Variants in CEACAM3 observed in about 807,000 individuals in gnomAD.
CEACAM3 encodes CEA cell adhesion molecule 3, also known as cell adhesion molecule CEACAM3.
In CEACAM3, 32 loss-of-function variants were observed where a neutral mutation model predicts 30.1. The ratio of observed to expected loss-of-function variants is 1.06; its 90% CI spans 0.80 to 1.43. The LOEUF is 1.43. Ranked by LOEUF, CEACAM3 falls within the 40% of genes most tolerant of loss-of-function variation. CEACAM3 has a pLI of 0.00. For missense variants in CEACAM3, 290 were observed against 316.3 expected (o/e 0.92, Z 0.63); for synonymous variants, 134 against 127.2 (o/e 1.05, Z -0.36).
chr19:41,799,652 T>C (rs2073130550), intron 2 of CEACAM3, among the ~76,000 whole-genome samples: 1 of 152,126 alleles, frequency 6.6e-6, no homozygotes, highest in Non-Finnish European at 1.5e-5. Flanking sequence ...CTGTGTTTCC[T>C]GATGTGTCAG....
In CEACAM3 at chr19:41,796,710, A is replaced by C; in HGVS notation, c.33A>C (p.Glu11Asp). 6.2e-7 allele frequency: 1 copy of C among 1,613,904 alleles called. No homozygotes were observed. The highest frequency in any genetic ancestry group is 8.5e-7 in the Non-Finnish European group (1 of 1,179,882). The change falls in exon 1 of 7, where the codon GAA becomes GAC. Residue 11 changes from glutamate (E) to aspartate (D), a missense_variant. By Grantham distance (45) the Glu-to-Asp change is conservative. Coordinates refer to ENST00000357396, the MANE Select transcript of CEACAM3 (RefSeq NM_001815.5). MGPPSASPHR[E>D]CIPWQGLLLT... ...CCCCCTCAGCCTCTCCCCACAGAGA[A>C]TGCATCCCCTGGCAGGGGCTTCTGC...
chr19:41,803,462 T>TTG (rs2073171103), intron 2 of CEACAM3, among the ~76,000 whole-genome samples: 259 of 102,486 alleles, frequency 2.5e-3, no homozygotes, highest in African/African-American at 6.6e-3. Flanking sequence ...GTGTGTGTTG[T>TTG]TTTGTTTGTT....
In CEACAM3 at chr19:41,797,602, C is replaced by T. The variant is rs2073112081; in HGVS notation, c.78C>T (p.Asn26=). 2 of 1,613,528 alleles carry T rather than the reference C, an allele frequency of 1.2e-6. No homozygotes were observed. Among genetic ancestry groups the T allele is most frequent in the African/African-American group, 2.7e-5 (2 of 75,034 alleles). ...TCTCCCTCCTAGCCTCACTTCTAAA[C>T]TTCTGGAACCCGCCCACCACTGCCA... ...QGLLLTASLL[N]FWNPPTTAKL... is the part of the protein sequence containing the mutation. Residue 26 remains asparagine, a synonymous_variant, in exon 2 of 7, where the codon AAC becomes AAT. Transcript: ENST00000357396.
intron 2 of CEACAM3, among the ~76,000 whole-genome samples, chr19:41,806,355 C>T (rs1273614873): frequency 6.6e-6 from 1 of 151,938 alleles, no homozygotes; most frequent in Non-Finnish European, 1.5e-5. Flanking sequence ...TACTGACTCA[C>T]TGTCTCATGT....
At chr19:41,807,375 C>A (rs946707943) in intron 2 of CEACAM3, 17 of 1,601,788 alleles carry the variant, frequency 1.1e-5, no homozygotes, top group Non-Finnish European at 1.3e-5. Context: ...GACCCAGTCA[C>A]GCTGAATGTC....
At position 41,811,533 on chromosome 19, in the gene CEACAM3, A is replaced by T. The variant is rs1434010734; in HGVS notation, c.*296A>T. On this transcript the variant is annotated 3_prime_UTR_variant, in exon 7 of 7. Coordinates refer to ENST00000357396, the MANE Select transcript of CEACAM3 (RefSeq NM_001815.5). ...CTGGGGTCACTTGGAAAGGATCTGA[A>T]TAAAGGGGACCCTTCCTCTCATTAG... 1 of 392,688 alleles carries T rather than the reference A, an allele frequency of 2.5e-6. No homozygotes were observed. The highest frequency in any genetic ancestry group is 4.8e-6 in the Non-Finnish European group (1 of 210,500). The allele number at this position is 392,688 out of a possible 1,614,324, so 24.3% of individuals were successfully genotyped here.
intron 3 of CEACAM3, chr19:41,809,166 C>T (rs995418013): frequency 4.1e-6 from 1 of 241,140 alleles, no homozygotes; most frequent in East Asian, 9.8e-5. Flanking sequence ...GAGTGTGGCC[C>T]TAGTTCCCTC....
In CEACAM3 at chr19:41,803,465, TG is replaced by T. The variant is rs2073171007; in HGVS notation, c.425-5347del. Reference sequence around the variant, plus strand: ...GTGTGTGTGTGTGTGTGTGTTGTTTTGTTTGTTTTTTTTTTTTTTGAGACAG... The same window carrying T: ...GTGTGTGTGTGTGTGTGTGTTGTTTTTTTGTTTTTTTTTTTTTTGAGACAG... On this transcript the variant is annotated intron_variant, in intron 2 of 6. Coordinates refer to ENST00000357396, the MANE Select transcript of CEACAM3 (RefSeq NM_001815.5). Among the ~76,000 whole-genome samples, 111 of 105,982 alleles carry T rather than the reference TG, an allele frequency of 1.0e-3. 1 individual carries two copies. The highest frequency in any genetic ancestry group is 1.9e-3 in the Non-Finnish European group (81 of 42,198). The allele number at this position is 105,982 out of a possible 152,430, so 69.5% of individuals were successfully genotyped here. A position where few individuals can be genotyped will look rare whatever the true frequency, so the allele number is the denominator to read the frequency against.
chr19:41,807,318 G>A lies in CEACAM3; in HGVS notation c.425-1495G>A, dbSNP rs534868979. On this transcript the variant is annotated intron_variant, in intron 2 of 6. Coordinates refer to ENST00000357396, the MANE Select transcript of CEACAM3 (RefSeq NM_001815.5). ...CTCAGTGTCACAAGGAATGACACAG[G>A]ACCCTATGAGTGTGAAATACCGAAC... 4 of 1,608,060 alleles carry A rather than the reference G, an allele frequency of 2.5e-6. No individual in the cohort carries two copies. The South Asian group carries it at 4.4e-5, about 18-fold the overall frequency.
intron 6 of CEACAM3, 115 bp downstream of exon 6, chr19:41,811,012 G>T (rs1555827550): frequency 3.1e-6 from 4 of 1,278,826 alleles, no homozygotes; most frequent in African/African-American, 1.5e-5. Flanking sequence ...AATAAGAACG[G>T]GGGTGGCGAG....
intron 1 of CEACAM3, 102 bp from the exon 2 acceptor site, chr19:41,797,487 C>CT (rs2073110916): frequency 1.4e-6 from 2 of 1,461,104 alleles, no homozygotes; most frequent in Admixed American, 2.1e-5. Context: ...CACATACACT[C>CT]TCCAAGGCTG....
rs2073116706 is a variant in CEACAM3, at chr19:41,797,928, C to T, written c.404C>T (p.Thr135Ile). 6.2e-7 allele frequency: 1 copy of T among 1,608,064 alleles called. No individual in the cohort carries two copies. Among genetic ancestry groups the T allele is most frequent in the Admixed American group, 1.7e-5 (1 of 59,676 alleles). The change falls in exon 2 of 7, where the codon ACT (threonine) becomes ATT (isoleucine). Residue 135 changes from threonine (T) to isoleucine (I), a missense_variant. Physicochemically the swap from Thr to Ile is moderately conservative, Grantham distance 89. Coordinates refer to ENST00000357396, the MANE Select transcript of CEACAM3 (RefSeq NM_001815.5). ...TCAGATCTTGTGAATGAAGAAGCAA[C>T]TGGACAGTTCCATGTATACCGTGAG... ...IKSDLVNEEA[T>I]GQFHVYQENA...
At chr19:41,805,672 A>T (rs1348942866) in intron 2 of CEACAM3, among the ~76,000 whole-genome samples, 1 of 152,196 alleles carries the variant, frequency 6.6e-6, no homozygotes, top group Non-Finnish European at 1.5e-5. Flanking sequence ...TCCTTGTACG[A>T]CTGACTTCTT....
At chr19:41,805,667 G>C (rs1311876674) in intron 2 of CEACAM3, among the ~76,000 whole-genome samples, 2 of 152,168 alleles carry the variant, frequency 1.3e-5, no homozygotes, top group Admixed American at 6.5e-5. Context: ...AGTTGTCCTT[G>C]TACGACTGAC....
chr19:41,802,034 A>T (rs1346955730), intron 2 of CEACAM3, among the ~76,000 whole-genome samples: 1 of 152,226 alleles, frequency 6.6e-6, no homozygotes, highest in East Asian at 1.9e-4. Flanking sequence ...TGTGCCCAGG[A>T]ATGAGCAAGG....
In CEACAM3 at chr19:41,808,807, C is replaced by A; in HGVS notation, c.425-6C>A. Reference sequence around the variant, plus strand: ...CTCTATCCCCTTTGCCTTCTTCTTTCTGCAGAAGAAAATGCCCCAGGCCTT... The same window carrying A: ...CTCTATCCCCTTTGCCTTCTTCTTTATGCAGAAGAAAATGCCCCAGGCCTT... On this transcript the variant is annotated splice_region_variant and splice_polypyrimidine_tract_variant and intron_variant, in intron 2 of 6. Coordinates refer to ENST00000357396, the MANE Select transcript of CEACAM3 (RefSeq NM_001815.5). 2.5e-6 allele frequency: 4 copies of A among 1,611,400 alleles called. No individual in the cohort carries two copies. Among genetic ancestry groups the A allele is most frequent in the African/African-American group, 1.3e-5 (1 of 75,004 alleles).
At chr19:41,806,969 G>C in intron 2 of CEACAM3, 3 of 1,464,834 alleles carry the variant, frequency 2.0e-6, no homozygotes, top group Non-Finnish European at 2.7e-6. Flanking sequence ...TTACAGGCGT[G>C]AGCCACCGCA....
At chr19:41,804,263 C>G (rs540945120) in intron 2 of CEACAM3, among the ~76,000 whole-genome samples, 2 of 119,594 alleles carry the variant, frequency 1.7e-5, no homozygotes, top group South Asian at 6.5e-4. Context: ...GATGGGCCCA[C>G]TGCTTGTTCC....
chr19:41,808,630 C>G (rs1159926787), intron 2 of CEACAM3, among the ~76,000 whole-genome samples, 183 bp from the exon 3 acceptor site: 1 of 152,204 alleles, frequency 6.6e-6, no homozygotes, highest in Non-Finnish European at 1.5e-5. Flanking sequence ...GTGTGTCAAG[C>G]CTGCAGAAAA....
Sources: allele counts gnomAD v4.1 joint callset (sites outside exome capture counted in the v4.1 genomes callset), GRCh38; gene constraint gnomAD v4.1.1; transcripts MANE v1.5; gene names NCBI Gene and HGNC (gene_info 2026-07-23, HGNC 2026-07-21).